KIT: variants seen among roughly 807,000 people sequenced by gnomAD.
KIT encodes the protein KIT proto-oncogene, receptor tyrosine kinase, also known as mast/stem cell growth factor receptor Kit.
KIT carries 16 observed loss-of-function variants against 105.7 expected under a neutral mutation model. That is an observed-to-expected ratio of 0.15 (90% CI 0.10 to 0.23). The LOEUF (loss-of-function observed/expected upper bound fraction) is 0.23, where lower values mean the gene tolerates loss of function less well. KIT is among the 10% of genes least tolerant of loss of function. The probability of loss-of-function intolerance (pLI) is 1.00; values close to 1 mark genes in which losing one functional copy is unlikely to be tolerated. For missense variants in KIT, 858 were observed against 1,213.8 expected, an observed-to-expected ratio of 0.71 and a Z score of 4.36; for synonymous variants, 438 against 441.1, an observed-to-expected ratio of 0.99 and a Z score of 0.09.
rs75968133 is a variant in KIT, at chr4:54,703,444, C to T, written c.757-280C>T. Among the ~76,000 whole-genome samples the T allele has an allele frequency of 0.011, 1,687 of 152,106 alleles. 14 individuals are homozygous for T. The highest frequency in any genetic ancestry group is 0.017 in the Non-Finnish European group (1,183 of 67,952). ...AGAGATAGCAACTTTTAAAATTTAGCGTTGTATAGAATTTGGAATTATACA... is the reference window on the plus strand; with the variant it reads ...AGAGATAGCAACTTTTAAAATTTAGTGTTGTATAGAATTTGGAATTATACA... On this transcript the variant is annotated intron_variant, in intron 4 of 20. Transcript: ENST00000288135.
chr4:54,658,225 G>T, intron 1 of KIT, 144 bp downstream of exon 1: 1 of 824,526 alleles, frequency 1.2e-6, no homozygotes, highest in South Asian at 1.4e-5. Flanking sequence ...GAGACTCCAG[G>T]TGGCCCTCGG....
intron 1 of KIT, among the ~76,000 whole-genome samples, chr4:54,662,099 A>C (rs886479766): frequency 6.6e-6 from 1 of 152,166 alleles, no homozygotes; most frequent in African/African-American, 2.4e-5. Flanking sequence ...ATTGAAGGTC[A>C]TGGCCCCTGT....
intron 9 of KIT, 26 bp from the exon 10 acceptor site, chr4:54,727,192 G>A (rs2109773438): frequency 1.2e-6 from 2 of 1,603,182 alleles, no homozygotes; most frequent in Non-Finnish European, 8.5e-7. Flanking sequence ...CAAAGTTTGT[G>A]ATTCCACATT....
chr4:54,699,106 TC>T lies in KIT; in HGVS notation c.620-523del, dbSNP rs1249167844. Among the ~76,000 whole-genome samples the T allele has an allele frequency of 7.2e-5, 11 of 152,342 alleles. 1 individual carries two copies. The South Asian group carries it at 1.5e-3, about 20-fold the overall frequency. Reference sequence around the variant, plus strand: ...TAATCTAGGTTTTAAATCTCAGAGATCATCTAATTCAACACCAGTTGGCATT... The same window carrying T: ...TAATCTAGGTTTTAAATCTCAGAGATATCTAATTCAACACCAGTTGGCATT... On this transcript the variant is annotated intron_variant, in intron 3 of 20. Transcript: ENST00000288135.
At chr4:54,700,905 A>C (rs1320022741) in intron 4 of KIT, among the ~76,000 whole-genome samples, 1 of 152,236 alleles carries the variant, frequency 6.6e-6, no homozygotes, top group Non-Finnish European at 1.5e-5. Flanking sequence ...GAAACATTTT[A>C]GTTTTTGTAT....
chr4:54,659,446 C>T (rs1007012429), intron 1 of KIT, among the ~76,000 whole-genome samples: 1 of 152,168 alleles, frequency 6.6e-6, no homozygotes, highest in Non-Finnish European at 1.5e-5. Context: ...GAAAGTGAGT[C>T]TTAGCTGGAA....
intron 1 of KIT, among the ~76,000 whole-genome samples, chr4:54,663,421 A>AC (rs953172724): frequency 6.6e-6 from 1 of 152,194 alleles, no homozygotes; most frequent in Admixed American, 6.5e-5. Context: ...GCATAGAGGA[A>AC]GTGTGTGGAC....
intron 14 of KIT, among the ~76,000 whole-genome samples, chr4:54,730,851 T>C (rs1722539112): frequency 6.6e-6 from 1 of 152,146 alleles, no homozygotes; most frequent in South Asian, 2.1e-4. Flanking sequence ...ATCCAAATTA[T>C]TGGTGTTTAT....
chr4:54,668,568 A>C (rs1319420625), intron 1 of KIT, among the ~76,000 whole-genome samples: 1 of 152,200 alleles, frequency 6.6e-6, no homozygotes, highest in Non-Finnish European at 1.5e-5. Context: ...TAGTTAACAG[A>C]GTTAGAACAA....
At chr4:54,711,903 T>C (rs1335289363) in intron 7 of KIT, among the ~76,000 whole-genome samples, 1 of 139,120 alleles carries the variant, frequency 7.2e-6, no homozygotes, top group Non-Finnish European at 1.5e-5. Flanking sequence ...CACTCCAGCC[T>C]GGGCGACTGA....
At chr4:54,703,194 T>C (rs1720561833) in intron 4 of KIT, among the ~76,000 whole-genome samples, 1 of 152,204 alleles carries the variant, frequency 6.6e-6, no homozygotes, top group South Asian at 2.1e-4. Flanking sequence ...CTCCCTTCAG[T>C]AGTTTACAAG....
chr4:54,734,992 T>C (rs1722839487), intron 17 of KIT, among the ~76,000 whole-genome samples: 1 of 152,180 alleles, frequency 6.6e-6, no homozygotes, highest in Non-Finnish European at 1.5e-5. Flanking sequence ...TTGTGGGTTT[T>C]GCTATTTTTT....
At chr4:54,689,588 G>A (rs1469104469) in intron 1 of KIT, among the ~76,000 whole-genome samples, 2 of 152,136 alleles carry the variant, frequency 1.3e-5, no homozygotes, top group Admixed American at 1.3e-4. Context: ...ACATTGAGGG[G>A]CTCACAGAGG....
At chr4:54,697,393 T>A (rs1720145067) in intron 2 of KIT, among the ~76,000 whole-genome samples, 1 of 152,232 alleles carries the variant, frequency 6.6e-6, no homozygotes, top group Admixed American at 6.5e-5. Flanking sequence ...TTAAATGTAA[T>A]CTGTGGGCCT....
At chr4:54,672,395 C>G (rs1718174884) in intron 1 of KIT, among the ~76,000 whole-genome samples, 1 of 151,726 alleles carries the variant, frequency 6.6e-6, no homozygotes. Flanking sequence ...TGTGAAGATT[C>G]ATATTTTTTG....
At chr4:54,687,015 C>T (rs1199569829) in intron 1 of KIT, among the ~76,000 whole-genome samples, 2 of 152,156 alleles carry the variant, frequency 1.3e-5, no homozygotes, top group Non-Finnish European at 2.9e-5. Flanking sequence ...TTGAGTGGGA[C>T]ATTTGGGAAT....
At chr4:54,728,322 C>T (rs1358203515) in intron 13 of KIT, among the ~76,000 whole-genome samples, 1 of 152,054 alleles carries the variant, frequency 6.6e-6, no homozygotes, top group African/African-American at 2.4e-5. Context: ...GTAGAACAGC[C>T]CAGGACATAC....
intron 1 of KIT, among the ~76,000 whole-genome samples, chr4:54,670,144 T>C (rs1458942093): frequency 7.2e-5 from 11 of 152,186 alleles, no homozygotes; most frequent in Non-Finnish European, 1.3e-4. Flanking sequence ...TTGGAGCCTT[T>C]AATGTGCTTT....
chr4:54,719,629 C>A (rs1206908482), intron 7 of KIT, among the ~76,000 whole-genome samples: 1 of 152,120 alleles, frequency 6.6e-6, no homozygotes, highest in Non-Finnish European at 1.5e-5. Context: ...TTATCTAAAC[C>A]TCCAACTTGG....
Sources: gnomAD v4.1 joint callset for allele counts (sites outside exome capture counted in the v4.1 genomes callset) on GRCh38, gnomAD v4.1.1 for gene constraint, MANE v1.5 for transcripts, NCBI Gene and HGNC (gene_info 2026-07-23, HGNC 2026-07-21) for gene names.